The following DPYSL3 variants were observed in gnomAD, a reference collection of about 807,000 sequenced individuals.
The protein encoded by DPYSL3 is dihydropyrimidinase-related protein 3.
In DPYSL3, 16 loss-of-function variants were observed where a neutral mutation model predicts 66.1. That is an observed-to-expected ratio of 0.24 (90% CI 0.16 to 0.37). DPYSL3 has a LOEUF of 0.37. Ranked by LOEUF, DPYSL3 falls within the 10% of genes least tolerant of loss-of-function variation. DPYSL3 has a pLI of 1.00. For missense variants in DPYSL3, 738 were observed against 916.2 expected (o/e 0.81, Z 2.51); for synonymous variants, 338 against 345.1 (o/e 0.98, Z 0.23).
Position 147,440,259 on chromosome 5 carries a change from C to T in DPYSL3, c.382-15296G>A, listed in dbSNP as rs532222497. On this transcript the variant is annotated intron_variant, in intron 1 of 13. Transcript: ENST00000343218. Reference sequence around the variant, plus strand: ...CGGAGCTTGCAGTGAGCCTAGATCACGCCACTACACTCCAGCCTGGGTGAC... The same window carrying T: ...CGGAGCTTGCAGTGAGCCTAGATCATGCCACTACACTCCAGCCTGGGTGAC... Among the ~76,000 whole-genome samples the T allele has an allele frequency of 3.3e-4, 51 of 152,262 alleles. 1 individual carries two copies. In the South Asian group the frequency reaches 9.3e-3, roughly 28 times the overall value.
intron 1 of DPYSL3, among the ~76,000 whole-genome samples, chr5:147,430,215 G>GA (rs1329886373): frequency 7.2e-5 from 11 of 152,114 alleles, no homozygotes; most frequent in Non-Finnish European, 2.9e-5. Flanking sequence ...AAGGATGGGG[G>GA]CCAGGTGTGG....
Position 147,415,800 on chromosome 5 carries a change from C to T in DPYSL3, c.729G>A (p.Gly243=), listed in dbSNP as rs558974365. ...AYEKWREWAD[G]KSCCDYALHV... ...GCAGGGCATAGTCACAGCAACTCTT[C>T]CCATCAGCCCACTCTCTCCATTTCT... The change falls in exon 4 of 14, where the codon GGG becomes GGA. Residue 243 remains glycine, a synonymous_variant. Transcript: ENST00000343218. The T allele has an allele frequency of 6.2e-7, 1 of 1,614,114 alleles. No individual in the cohort carries two copies. The highest frequency in any genetic ancestry group is 2.2e-5 in the East Asian group (1 of 44,866).
At chr5:147,478,991 T>C (rs939764879) in intron 1 of DPYSL3, among the ~76,000 whole-genome samples, 15 of 152,172 alleles carry the variant, frequency 9.9e-5, no homozygotes, top group Non-Finnish European at 1.9e-4. Flanking sequence ...GCACAGTGTC[T>C]GGCATCTAAT....
intron 2 of DPYSL3, among the ~76,000 whole-genome samples, chr5:147,423,982 T>C (rs1374554196): frequency 2.0e-5 from 3 of 152,136 alleles, no homozygotes; most frequent in Non-Finnish European, 1.5e-5. Context: ...CCTCCCAAAG[T>C]GCTGGGATTA....
chr5:147,432,898 T>A (rs1561786208), intron 1 of DPYSL3, among the ~76,000 whole-genome samples: 1 of 152,234 alleles, frequency 6.6e-6, no homozygotes, highest in Non-Finnish European at 1.5e-5. Context: ...CTAAATTTTG[T>A]CTACATTCTG....
rs1341309617 is a variant in DPYSL3, at chr5:147,392,326, ATCCTGTTCCTTGGCTATC to A, written c.*1691_*1708del. On this transcript the variant is annotated 3_prime_UTR_variant, in exon 14 of 14. Transcript: ENST00000343218. ...AACAGAAGGTAGCTTGCTAGGGGAA[ATCCTGTTCCTTGGCTATC>A]TCCAAATTCCTTTGTAGCCCAGTGT... is the stretch of plus-strand genomic sequence containing the variant. 1 of 152,210 alleles carries A rather than the reference ATCCTGTTCCTTGGCTATC, an allele frequency of 6.6e-6. No homozygotes were observed. Among genetic ancestry groups the A allele is most frequent in the Non-Finnish European group, 1.5e-5 (1 of 68,042 alleles). The allele number at this position is 152,210 out of a possible 1,614,324, so 9.4% of individuals were successfully genotyped here. A position where few individuals can be genotyped will look rare whatever the true frequency, so the allele number is the denominator to read the frequency against.
chr5:147,463,784 C>A (rs566962033), intron 1 of DPYSL3, among the ~76,000 whole-genome samples: 2 of 152,230 alleles, frequency 1.3e-5, no homozygotes, highest in African/African-American at 4.8e-5. Flanking sequence ...ACCCTACTTT[C>A]CAATCTGGCA....
At chr5:147,470,080 C>T (rs946421049) in intron 1 of DPYSL3, among the ~76,000 whole-genome samples, 2 of 152,130 alleles carry the variant, frequency 1.3e-5, no homozygotes, top group African/African-American at 4.8e-5. Context: ...GTTGTAAAGG[C>T]CTGACCCTTA....
chr5:147,434,754 C>T (rs1216626178), intron 1 of DPYSL3, among the ~76,000 whole-genome samples: 2 of 151,444 alleles, frequency 1.3e-5, no homozygotes, highest in African/African-American at 4.9e-5. Context: ...GGTAGGGGAA[C>T]AGGGAGGGGA....
intron 1 of DPYSL3, chr5:147,453,532 G>T: frequency 6.6e-7 from 1 of 1,526,132 alleles, no homozygotes; most frequent in Non-Finnish European, 8.8e-7. Flanking sequence ...GGAGGGAGCA[G>T]CGGCGCCCGG....
At chr5:147,407,956 G>T (rs985773831) in intron 7 of DPYSL3, among the ~76,000 whole-genome samples, 3 of 151,922 alleles carry the variant, frequency 2.0e-5, no homozygotes, top group African/African-American at 7.3e-5. Context: ...TTCTATATGT[G>T]TTCTATTTAT....
intron 6 of DPYSL3, among the ~76,000 whole-genome samples, chr5:147,409,428 T>G (rs543341547): frequency 1.8e-4 from 28 of 152,210 alleles, no homozygotes; most frequent in Non-Finnish European, 3.8e-4. Context: ...GTTTTGATGT[T>G]TTAAATCTAT....
At chr5:147,495,652 C>A (rs1038728115) in intron 1 of DPYSL3, among the ~76,000 whole-genome samples, 1 of 152,100 alleles carries the variant, frequency 6.6e-6, no homozygotes, top group Non-Finnish European at 1.5e-5. Context: ...TTCACAATTG[C>A]TTCAAAGAGA....
chr5:147,401,435 G>T, intron 9 of DPYSL3, 105 bp downstream of exon 9: 1 of 1,316,342 alleles, frequency 7.6e-7, no homozygotes, highest in Non-Finnish European at 1.0e-6. Flanking sequence ...TCACACTGCA[G>T]ACTCTGGTCA....
At chr5:147,415,656 G>T (rs899609654) in intron 4 of DPYSL3, 53 bp downstream of exon 4, 11 of 1,586,716 alleles carry the variant, frequency 6.9e-6, no homozygotes, top group Non-Finnish European at 9.4e-6. Context: ...GGTGTTGGAA[G>T]GACTGGCAAG....
chr5:147,454,910 G>C (rs1345563686), intron 1 of DPYSL3, among the ~76,000 whole-genome samples: 2 of 152,064 alleles, frequency 1.3e-5, no homozygotes, highest in Non-Finnish European at 2.9e-5. Flanking sequence ...CAACTCTCAC[G>C]ACAAATAATT....
chr5:147,419,325 G>T (rs17106713), intron 2 of DPYSL3, among the ~76,000 whole-genome samples: 5,232 of 152,200 alleles, frequency 0.034, 234 homozygotes, highest in East Asian at 0.16. Flanking sequence ...TATGAGAACC[G>T]CCACTAGACA....
At chr5:147,460,615 G>T (rs1284013733) in intron 1 of DPYSL3, among the ~76,000 whole-genome samples, 1 of 152,212 alleles carries the variant, frequency 6.6e-6, no homozygotes, top group African/African-American at 2.4e-5. Flanking sequence ...AGGGAGTTGT[G>T]TTAAAGCAAG....
intron 1 of DPYSL3, among the ~76,000 whole-genome samples, chr5:147,479,556 T>C (rs1172483426): frequency 1.3e-5 from 2 of 152,206 alleles, no homozygotes; most frequent in East Asian, 1.9e-4. Context: ...TGAAATAAAC[T>C]GAGAATCCCA....
Sources: allele counts gnomAD v4.1 joint callset (sites outside exome capture counted in the v4.1 genomes callset), GRCh38; gene constraint gnomAD v4.1.1; transcripts MANE v1.5; gene names NCBI Gene and HGNC (gene_info 2026-07-23, HGNC 2026-07-21).